FOXH1: variants seen among roughly 807,000 people sequenced by gnomAD.
FOXH1 encodes the protein forkhead box protein H1.
Under a neutral mutation model 14.2 loss-of-function variants are expected in FOXH1, and 10 were observed. The ratio of observed to expected loss-of-function variants is 0.70; its 90% CI spans 0.43 to 1.19. The LOEUF (loss-of-function observed/expected upper bound fraction) is 1.19, where lower values mean the gene tolerates loss of function less well. Ranked by LOEUF, FOXH1 falls within the 50% of genes most tolerant of loss-of-function variation. The pLI is 0.00. For missense variants in FOXH1, 643 were observed against 492.1 expected, an observed-to-expected ratio of 1.31 and a Z score of -2.90; for synonymous variants, 273 against 209.5, an observed-to-expected ratio of 1.30 and a Z score of -2.62.
chr8:144,474,831 T>G lies in FOXH1; in HGVS notation c.505A>C (p.Ile169Leu), dbSNP rs369145146. 3.1e-6 allele frequency: 5 copies of G among 1,611,752 alleles called. No homozygotes were observed. In the African/African-American group the frequency reaches 6.7e-5, roughly 22 times the overall value. The part of the protein sequence containing the change: ...PPPPPSEGFS[I>L]KSLLGGSGEG... ...CCGGACCCTCCTAGCAGGGACTTGA[T>G]GCTGAAGCCCTCACTGGGTGGTGGC... is the stretch of plus-strand genomic sequence containing the variant. Residue 169 changes from isoleucine to leucine, a missense_variant, in exon 3 of 3, where the codon ATC (isoleucine) becomes CTC (leucine). Physicochemically the swap from Ile to Leu is conservative, Grantham distance 5. Transcript: ENST00000377317.
At position 144,473,522 on chromosome 8, in the gene FOXH1, CAG is replaced by C; in HGVS notation, c.*714_*715del. On this transcript the variant is annotated 3_prime_UTR_variant, in exon 3 of 3. Coordinates refer to ENST00000377317, the MANE Select transcript of FOXH1 (RefSeq NM_003923.3). Reference sequence around the variant, plus strand: ...TTTGGATCCATTGCCCCTGAGCTCCCAGAGTCACCCCTCCACCTCCGCAGCCA... The same window carrying C: ...TTTGGATCCATTGCCCCTGAGCTCCCAGTCACCCCTCCACCTCCGCAGCCA... 7.5e-7 allele frequency: 1 copy of C among 1,339,764 alleles called. No individual in the cohort carries two copies. Among genetic ancestry groups the C allele is most frequent in the Non-Finnish European group, 9.8e-7 (1 of 1,018,480 alleles). The allele number at this position is 1,339,764 out of a possible 1,614,324, so 83.0% of individuals were successfully genotyped here.
Position 144,474,924 on chromosome 8 carries a change from C to T in FOXH1, c.412G>A (p.Gly138Arg), listed in dbSNP as rs202031153. Residue 138 changes from glycine to arginine, a missense_variant, in exon 3 of 3, where the codon GGA (glycine) becomes AGA (arginine). Gly to Arg is a moderately radical substitution (Grantham distance 125). Coordinates refer to ENST00000377317, the MANE Select transcript of FOXH1 (RefSeq NM_003923.3). ...CRRWQNGGAR[G>R]AFAKDLGPYV... is the part of the protein sequence containing the mutation. ...GGGCCCAGGTCCTTGGCGAAGGCTC[C>T]ACGCGCACCTCCGTTCTGCCAGCGC... 4.4e-6 allele frequency: 7 copies of T among 1,608,870 alleles called. No individual in the cohort carries two copies. The Admixed American group carries it at 6.7e-5, about 15-fold the overall frequency.
At position 144,474,362 on chromosome 8, in the gene FOXH1, C is replaced by T. The variant is rs770253235; in HGVS notation, c.974G>A (p.Cys325Tyr). The change falls in exon 3 of 3, where the codon TGC becomes TAC. Residue 325 changes from cysteine to tyrosine, a missense_variant. Transcript: ENST00000377317. ...PETRGPPGLL[C>Y]DLDALFQGVP... Reference sequence around the variant, plus strand: ...CCCTTGGAAGAGGGCGTCTAGATCGCAGAGCAGCCCTGGGGGCCCTCGGGT... The same window carrying T: ...CCCTTGGAAGAGGGCGTCTAGATCGTAGAGCAGCCCTGGGGGCCCTCGGGT... 9 of 1,613,118 alleles carry T rather than the reference C, an allele frequency of 5.6e-6. No individual in the cohort carries two copies. The South Asian group carries it at 9.9e-5, about 18-fold the overall frequency.
Position 144,474,461 on chromosome 8 carries a change from G to C in FOXH1, c.875C>G (p.Pro292Arg). ...LPIYTPNVVM[P>R]LAPPPTSCPQ... ...ACAGGAGGTGGGTGGTGGTGCCAAG[G>C]GCATTACCACATTGGGAGTGTAGAT... Residue 292 changes from proline (P) to arginine (R), a missense_variant, in exon 3 of 3, where the codon CCC becomes CGC. By Grantham distance (103) the Pro-to-Arg change is moderately radical (BLOSUM62 -2). Transcript: ENST00000377317. 1 of 1,612,748 alleles carries C rather than the reference G, an allele frequency of 6.2e-7. No homozygotes were observed. The highest frequency in any genetic ancestry group is 8.5e-7 in the Non-Finnish European group (1 of 1,180,008).
rs773209571 is a variant in FOXH1 at position 144,475,045 on chromosome 8, G to C, written c.291C>G (p.Asp97Glu). 4 of 1,602,402 alleles carry C rather than the reference G, an allele frequency of 2.5e-6. No individual in the cohort carries two copies. Among genetic ancestry groups the C allele is most frequent in the Non-Finnish European group, 3.4e-6 (4 of 1,174,948 alleles). ...SNRCFRKVPK[D>E]PAKPQAKGNF... ...TGCCCTTGGCCTGGGGCTTTGCAGG[G>C]TCCTTGGGCACCTGGGTGTGGGGGT... The change falls in exon 3 of 3, where the codon GAC becomes GAG. Residue 97 changes from aspartate to glutamate, a missense_variant. By Grantham distance (45) the Asp-to-Glu change is conservative. Coordinates refer to ENST00000377317, the MANE Select transcript of FOXH1 (RefSeq NM_003923.3).
Position 144,474,376 on chromosome 8 carries a change from G to A in FOXH1, c.960C>T (p.Pro320=), listed in dbSNP as rs1825072167. ...YWGVAPETRG[P]PGLLCDLDAL... ...CGTCTAGATCGCAGAGCAGCCCTGG[G>A]GGCCCTCGGGTTTCAGGGGCCACCC... The change falls in exon 3 of 3, where the codon CCC becomes CCT. Residue 320 remains proline (P), a synonymous_variant. Transcript: ENST00000377317. 2 of 1,613,190 alleles carry A rather than the reference G, an allele frequency of 1.2e-6. No homozygotes were observed. Among genetic ancestry groups the A allele is most frequent in the South Asian group, 1.1e-5 (1 of 91,092 alleles).
chr8:144,475,598 T>C lies in FOXH1; in HGVS notation c.159A>G (p.Arg53=). The C allele has an allele frequency of 1.8e-5, 26 of 1,447,990 alleles. No homozygotes were observed. The highest frequency in any genetic ancestry group is 2.4e-5 in the Non-Finnish European group (26 of 1,097,404). The allele number at this position is 1,447,990 out of a possible 1,614,324, so 89.7% of individuals were successfully genotyped here. The change falls in exon 1 of 3, where the codon AGA becomes AGG. Residue 53 remains arginine, a synonymous_variant. Transcript: ENST00000377317. Reference sequence around the variant, plus strand: ...GCCCGCTCACCTGGGCCAGCTTCAGTCTGCGGGAGGGAGCGGCCTGAATCA... The same window carrying C: ...GCCCGCTCACCTGGGCCAGCTTCAGCCTGCGGGAGGGAGCGGCCTGAATCA... ...ALVIQAAPSR[R]LKLAQIIRQV... is the part of the protein sequence containing the mutation.
chr8:144,475,320 C>T (rs557373029), intron 1 of FOXH1, 59 bp from the exon 2 acceptor site: 6 of 1,378,508 alleles, frequency 4.4e-6, no homozygotes, highest in African/African-American at 4.3e-5. Flanking sequence ...GGGTAGCGCC[C>T]TACCCCTCCC....
rs569747071 is a variant in FOXH1, at chr8:144,473,782, T to C, written c.*456A>G. 2.2e-5 allele frequency: 8 copies of C among 358,466 alleles called. 1 individual carries two copies. The South Asian group carries it at 3.8e-4, about 17-fold the overall frequency. 22.2% of individuals were successfully genotyped at this position (358,466 alleles called of 1,614,324 possible). ...GTTATCCCCCCCACCACCAGGACCA[T>C]GTAGGGTGCAGTCTTTACTCCCTAA... On this transcript the variant is annotated 3_prime_UTR_variant, in exon 3 of 3. Transcript: ENST00000377317.
Position 144,474,221 on chromosome 8 carries a change from C to T in FOXH1, c.*17G>A. On this transcript the variant is annotated 3_prime_UTR_variant, in exon 3 of 3. Transcript: ENST00000377317. ...GGGTGGGAGCGGGAGGGAGGAGTGGCCCCTGTCTTAAGAGCCTCACAGGCT... is the reference window on the plus strand; with the variant it reads ...GGGTGGGAGCGGGAGGGAGGAGTGGTCCCTGTCTTAAGAGCCTCACAGGCT... 6 of 1,533,840 alleles carry T rather than the reference C, an allele frequency of 3.9e-6. No individual in the cohort carries two copies. In the East Asian group the frequency reaches 6.8e-5, roughly 17 times the overall value.
Position 144,475,708 on chromosome 8 carries a change from G to A in FOXH1, c.49C>T (p.Pro17Ser), listed in dbSNP as rs1043646541. 1 of 1,421,238 alleles carries A rather than the reference G, an allele frequency of 7.0e-7. No individual in the cohort carries two copies. Among genetic ancestry groups the A allele is most frequent in the Non-Finnish European group, 9.2e-7 (1 of 1,086,710 alleles). The allele number at this position is 1,421,238 out of a possible 1,614,324, so 88.0% of individuals were successfully genotyped here. Residue 17 changes from proline (P) to serine (S), a missense_variant, in exon 1 of 3, where the codon CCC becomes TCC. Pro to Ser is a moderately conservative substitution (Grantham distance 74, BLOSUM62 -1). Transcript: ENST00000377317. ...TTCCTCCTCTTAGGGGGCTGGGAGG[G>A]CGACTCTGCCTCTGGGGGCCCCAGG... ...SRLGPPEAES[P>S]SQPPKRRKKR...
At position 144,475,561 on chromosome 8, in the gene FOXH1, G is replaced by A. The variant is rs1238853292; in HGVS notation, c.174+22C>T. The A allele has an allele frequency of 2.8e-6, 4 of 1,447,218 alleles. No homozygotes were observed. The African/African-American group carries it at 4.3e-5, about 16-fold the overall frequency. The allele number at this position is 1,447,218 out of a possible 1,614,324, so 89.6% of individuals were successfully genotyped here. On this transcript the variant is annotated intron_variant, in intron 1 of 2. Transcript: ENST00000377317. ...GGGAACGAGTCTGGGGAAAGAGAGA[G>A]TGGGGGCCGGGGCCCGCTCACCTGG...
chr8:144,474,485 A>G lies in FOXH1; in HGVS notation c.851T>C (p.Ile284Thr). Residue 284 changes from isoleucine (I) to threonine (T), a missense_variant, in exon 3 of 3, where the codon ATC (isoleucine) becomes ACC (threonine). By Grantham distance (89) the Ile-to-Thr change is moderately conservative (BLOSUM62 -1). Transcript: ENST00000377317. ...WGQLPTSYLPIYTPNVVMPLA... is the reference protein window; with the variant it reads ...WGQLPTSYLPTYTPNVVMPLA... Reference sequence around the variant, plus strand: ...GGGCATTACCACATTGGGAGTGTAGATAGGCAAGTAGGAGGTGGGCAGCTG... The same window carrying G: ...GGGCATTACCACATTGGGAGTGTAGGTAGGCAAGTAGGAGGTGGGCAGCTG... 6.2e-7 allele frequency: 1 copy of G among 1,611,972 alleles called. No homozygotes were observed. Among genetic ancestry groups the G allele is most frequent in the Non-Finnish European group, 8.5e-7 (1 of 1,179,972 alleles).
chr8:144,474,752 C>G lies in FOXH1; in HGVS notation c.584G>C (p.Gly195Ala). ...CGCCTCCTCCCCACTGTTCCCTGTGCCTGCAGGAACTGGGCTGCTCTGTGG... is the reference window on the plus strand; with the variant it reads ...CGCCTCCTCCCCACTGTTCCCTGTGGCTGCAGGAACTGGGCTGCTCTGTGG... ...LAPQSSPVPA[G>A]TGNSGEEAVP... The change falls in exon 3 of 3, where the codon GGC (glycine) becomes GCC (alanine). Residue 195 changes from glycine (G) to alanine (A), a missense_variant. Transcript: ENST00000377317. The G allele has an allele frequency of 6.4e-7, 1 of 1,572,652 alleles. No homozygotes were observed.
chr8:144,474,767 C>T lies in FOXH1; in HGVS notation c.569G>A (p.Ser190Asn). ...GTTCCCTGTGCCTGCAGGAACTGGGCTGCTCTGTGGAGCTAGCCCCGGCCA... is the reference window on the plus strand; with the variant it reads ...GTTCCCTGTGCCTGCAGGAACTGGGTTGCTCTGTGGAGCTAGCCCCGGCCA... ...APWPGLAPQS[S>N]PVPAGTGNSG... The change falls in exon 3 of 3, where the codon AGC (serine) becomes AAC (asparagine). Residue 190 changes from serine (S) to asparagine (N), a missense_variant. By Grantham distance (46) the Ser-to-Asn change is conservative. Coordinates refer to ENST00000377317, the MANE Select transcript of FOXH1 (RefSeq NM_003923.3). The T allele has an allele frequency of 3.1e-6, 5 of 1,591,142 alleles. No individual in the cohort carries two copies. The highest frequency in any genetic ancestry group is 1.1e-5 in the South Asian group (1 of 88,756).
chr8:144,473,652 G>A lies in FOXH1; in HGVS notation c.*586C>T, dbSNP rs1825036853. 5.9e-6 allele frequency: 3 copies of A among 511,382 alleles called. No homozygotes were observed. Among genetic ancestry groups the A allele is most frequent in the Admixed American group, 8.0e-5 (2 of 25,092 alleles). The allele number at this position is 511,382 out of a possible 1,614,324, so 31.7% of individuals were successfully genotyped here. A position where few individuals can be genotyped will look rare whatever the true frequency, so the allele number is the denominator to read the frequency against. On this transcript the variant is annotated 3_prime_UTR_variant, in exon 3 of 3. Coordinates refer to ENST00000377317, the MANE Select transcript of FOXH1 (RefSeq NM_003923.3). The stretch of plus-strand genomic sequence containing the variant: ...CTTATCACCATTTGCTGTTATCACG[G>A]CACACAGCAGGGAATCCCAGGCCCC...
intron 1 of FOXH1, 108 bp from the exon 2 acceptor site, chr8:144,475,369 C>T: frequency 3.9e-6 from 4 of 1,013,788 alleles, no homozygotes; most frequent in Non-Finnish European, 6.0e-6. Context: ...CCGGCCCCTG[C>T]TGTCCCCGAA....
At position 144,475,742 on chromosome 8, in the gene FOXH1, G is replaced by A. The variant is rs374587860; in HGVS notation, c.15C>T (p.Ser5=). 1.0e-3 allele frequency: 1,426 copies of A among 1,414,240 alleles called. No homozygotes were observed. Among genetic ancestry groups the A allele is most frequent in the Admixed American group, 2.0e-3 (57 of 28,926 alleles). The allele number at this position is 1,414,240 out of a possible 1,614,324, so 87.6% of individuals were successfully genotyped here. Residue 5 remains serine, a synonymous_variant, in exon 1 of 3, where the codon AGC becomes AGT. Coordinates refer to ENST00000377317, the MANE Select transcript of FOXH1 (RefSeq NM_003923.3). MGPC[S]GSRLGPPEAE... ...CCTCTGGGGGCCCCAGGCGGGAGCC[G>A]CTGCAGGGCCCCATGCGGGACGGTA... is the stretch of plus-strand genomic sequence containing the variant.
At position 144,475,201 on chromosome 8, in the gene FOXH1, C is replaced by G; in HGVS notation, c.235G>C (p.Asp79His). ...FFREDYEGWK[D>H]SIRHNLSSNR... ...GAGGAAAGGTTGTGGCGAATGGAGT[C>G]TTTCCAGCCCTCGTAGTCTTCCCTG... Residue 79 changes from aspartate (D) to histidine (H), a missense_variant, in exon 2 of 3, where the codon GAC becomes CAC. Transcript: ENST00000377317. The G allele has an allele frequency of 6.2e-7, 1 of 1,613,664 alleles. No individual in the cohort carries two copies. The highest frequency in any genetic ancestry group is 8.5e-7 in the Non-Finnish European group (1 of 1,179,920).
Sources: gnomAD v4.1 joint callset for allele counts on GRCh38, gnomAD v4.1.1 for gene constraint, MANE v1.5 for transcripts, NCBI Gene and HGNC (gene_info 2026-07-23, HGNC 2026-07-21) for gene names.